Variants in APP observed in about 807,000 individuals in gnomAD.
APP encodes amyloid-beta precursor protein.
A neutral mutation model predicts 101.4 loss-of-function variants in APP; 31 were observed. The ratio of observed to expected loss-of-function variants is 0.31; its 90% CI spans 0.23 to 0.41. The LOEUF is 0.41. Ranked by LOEUF, APP falls within the 10% of genes least tolerant of loss-of-function variation. The pLI is 1.00. For synonymous variants in APP, 366 were observed against 364.4 expected (o/e 1.00, Z -0.05); for missense variants, 839 against 1,003.7 (o/e 0.84, Z 2.22).
intron 3 of APP, among the ~76,000 whole-genome samples, chr21:26,065,078 T>C (rs781310141): frequency 6.6e-6 from 1 of 152,174 alleles, no homozygotes; most frequent in Non-Finnish European, 1.5e-5. Flanking sequence ...GGTCTTGGAC[T>C]TCCGACCTCA....
chr21:26,107,631 G>C (rs1241334545), intron 2 of APP, among the ~76,000 whole-genome samples: 1 of 152,154 alleles, frequency 6.6e-6, no homozygotes, highest in East Asian at 1.9e-4. Flanking sequence ...CTTCAATGCT[G>C]CAATTCCCCA....
intron 3 of APP, among the ~76,000 whole-genome samples, chr21:26,070,087 T>C (rs1210990748): frequency 6.6e-6 from 1 of 152,122 alleles, no homozygotes; most frequent in Non-Finnish European, 1.5e-5. Flanking sequence ...AGGAAGACAA[T>C]ATCTAATAGA....
intron 9 of APP, among the ~76,000 whole-genome samples, chr21:25,977,713 A>T (rs1568796673): frequency 6.6e-6 from 1 of 152,238 alleles, no homozygotes; most frequent in Admixed American, 6.5e-5. Context: ...TATCAAAAAT[A>T]ATCTCAAGGT....
chr21:25,894,869 A>G (rs2037928659), intron 16 of APP, among the ~76,000 whole-genome samples: 1 of 152,204 alleles, frequency 6.6e-6, no homozygotes, highest in African/African-American at 2.4e-5. Context: ...CATGCTACAG[A>G]GACATCTTTT....
chr21:25,938,384 A>AT (rs1436788911), intron 13 of APP, among the ~76,000 whole-genome samples: 1 of 152,066 alleles, frequency 6.6e-6, no homozygotes, highest in Non-Finnish European at 1.5e-5. Context: ...GCCAGAATGT[A>AT]TTTAGAGTTG....
chr21:26,044,170 T>A (rs979975704), intron 5 of APP, among the ~76,000 whole-genome samples: 1 of 152,180 alleles, frequency 6.6e-6, no homozygotes, highest in African/African-American at 2.4e-5. Context: ...AAAGTCTGCA[T>A]AGTCCCAGCT....
chr21:25,911,375 C>T (rs1489034843), intron 14 of APP, among the ~76,000 whole-genome samples: 3 of 152,092 alleles, frequency 2.0e-5, no homozygotes, highest in Non-Finnish European at 2.9e-5. Context: ...GATAATATTC[C>T]CTAGAATGCA....
intron 5 of APP, among the ~76,000 whole-genome samples, chr21:26,047,161 G>T (rs941004606): frequency 6.6e-6 from 1 of 151,864 alleles, no homozygotes; most frequent in African/African-American, 2.4e-5. Context: ...CTTTTTCAAT[G>T]AGGTCATAAA....
intron 3 of APP, among the ~76,000 whole-genome samples, chr21:26,072,086 C>G (rs955880248): frequency 6.6e-6 from 1 of 152,194 alleles, no homozygotes; most frequent in African/African-American, 2.4e-5. Flanking sequence ...TTAACGTCAT[C>G]TAGAGTAGGC....
chr21:26,087,548 GA>G (rs1393866625), intron 3 of APP, among the ~76,000 whole-genome samples: 1 of 152,240 alleles, frequency 6.6e-6, no homozygotes, highest in African/African-American at 2.4e-5. Flanking sequence ...TTCGGAGGAT[GA>G]AAGAGAAATC....
At chr21:26,107,596 T>C (rs1420333455) in intron 2 of APP, among the ~76,000 whole-genome samples, 1 of 152,208 alleles carries the variant, frequency 6.6e-6, no homozygotes, top group Non-Finnish European at 1.5e-5. Flanking sequence ...ATCTCCCTCA[T>C]GGGGAATCGT....
Position 25,911,741 on chromosome 21 carries a change from C to A in APP, c.1909G>T (p.Val637Phe), listed in dbSNP as rs1458137100. 1 of 1,614,012 alleles carries A rather than the reference C, an allele frequency of 6.2e-7. No individual in the cohort carries two copies. The highest frequency in any genetic ancestry group is 8.5e-7 in the Non-Finnish European group (1 of 1,180,002). Residue 637 changes from valine (V) to phenylalanine (F), a missense_variant and splice_region_variant, in exon 14 of 18, where the codon GTT becomes TTT. Physicochemically the swap from Val to Phe is conservative, Grantham distance 50. Coordinates refer to ENST00000346798, the MANE Select transcript of APP (RefSeq NM_000484.4). Reference sequence around the variant, plus strand: ...CCTTGCTGGCTCAGGGGACTCTTACCTTCGTTTTCTGTGTTGGCTGGCACA... The same window carrying A: ...CCTTGCTGGCTCAGGGGACTCTTACATTCGTTTTCTGTGTTGGCTGGCACA... Reference protein sequence around the residue: ...DSVPANTENEVEPVDARPAAD... With the variant: ...DSVPANTENEFEPVDARPAAD...
At chr21:25,952,928 A>G (rs1235544815) in intron 13 of APP, among the ~76,000 whole-genome samples, 6 of 152,220 alleles carry the variant, frequency 3.9e-5, no homozygotes, top group African/African-American at 1.2e-4. Flanking sequence ...CCTGAAAAGT[A>G]TATTTGTTTG....
intron 5 of APP, among the ~76,000 whole-genome samples, chr21:26,033,264 G>A (rs2044925952): frequency 6.6e-6 from 1 of 152,152 alleles, no homozygotes; most frequent in Non-Finnish European, 1.5e-5. Context: ...GTGACAGTGA[G>A]GGAGTTCTCA....
rs745834578 is a variant in APP at position 25,975,148 on chromosome 21, T to C, written c.1380A>G (p.Arg460=). 8 of 1,613,908 alleles carry C rather than the reference T, an allele frequency of 5.0e-6. No individual in the cohort carries two copies. The East Asian group carries it at 1.8e-4, about 36-fold the overall frequency. Residue 460 remains arginine (R), a synonymous_variant, in exon 11 of 18, where the codon AGA becomes AGG. Transcript: ENST00000346798. ...GGCGGTCATTGAGCATGGCTTCCAC[T>C]CTGGCCATGTGTGTCTCCACCAGCT... The part of the protein sequence containing the change: ...RQQLVETHMA[R]VEAMLNDRRR...
At chr21:25,893,578 A>G (rs1015865428) in intron 16 of APP, among the ~76,000 whole-genome samples, 8 of 152,224 alleles carry the variant, frequency 5.3e-5, no homozygotes, top group African/African-American at 1.9e-4. Context: ...ACCAACCACA[A>G]CATTCTCTTA....
intron 3 of APP, among the ~76,000 whole-genome samples, chr21:26,060,943 G>A (rs1158861882): frequency 6.6e-6 from 1 of 152,178 alleles, no homozygotes; most frequent in Non-Finnish European, 1.5e-5. Context: ...CTTAAACATT[G>A]TCCAACTCTG....
chr21:25,900,643 A>C (rs543681738), intron 15 of APP, among the ~76,000 whole-genome samples: 23 of 152,276 alleles, frequency 1.5e-4, no homozygotes, highest in Admixed American at 2.6e-4. Flanking sequence ...ACTTTCTTGA[A>C]CAGTTTGAAG....
chr21:25,998,194 G>T (rs546359096), intron 7 of APP, among the ~76,000 whole-genome samples: 1 of 152,228 alleles, frequency 6.6e-6, no homozygotes, highest in African/African-American at 2.4e-5. Context: ...GGAGAAAAAA[G>T]TTGCAAATCT....
Sources: allele counts gnomAD v4.1 joint callset (sites outside exome capture counted in the v4.1 genomes callset), GRCh38; gene constraint gnomAD v4.1.1; transcripts MANE v1.5; gene names NCBI Gene and HGNC (gene_info 2026-07-23, HGNC 2026-07-21).